PHF2: variants seen among roughly 807,000 people sequenced by gnomAD.
The protein encoded by PHF2 is PHD finger protein 2.
A neutral mutation model predicts 120.5 loss-of-function variants in PHF2; 27 were observed. That is an observed-to-expected ratio of 0.22 (90% CI 0.17 to 0.31). The LOEUF is 0.31. PHF2 is among the 10% of genes least tolerant of loss of function. The probability of loss-of-function intolerance (pLI) is 1.00; values close to 1 mark genes in which losing one functional copy is unlikely to be tolerated. For synonymous variants in PHF2, 568 were observed against 592.5 expected, an observed-to-expected ratio of 0.96 and a Z score of 0.60; for missense variants, 1,024 against 1,434.8, an observed-to-expected ratio of 0.71 and a Z score of 4.63.
intron 20 of PHF2, among the ~76,000 whole-genome samples, chr9:93,676,311 A>C (rs1244030300): frequency 6.6e-6 from 1 of 152,196 alleles, no homozygotes. Flanking sequence ...GAACTGGGAG[A>C]TGTATATGGC....
chr9:93,676,097 C>G (rs1213763992), intron 20 of PHF2, among the ~76,000 whole-genome samples: 3 of 152,164 alleles, frequency 2.0e-5, no homozygotes, highest in East Asian at 1.9e-4. Flanking sequence ...TCCCCTCCCC[C>G]CATCATGTGG....
At chr9:93,667,628 C>T (rs1391233783) in intron 17 of PHF2, among the ~76,000 whole-genome samples, 1 of 152,118 alleles carries the variant, frequency 6.6e-6, no homozygotes, top group Middle Eastern at 3.2e-3. Flanking sequence ...CTGCAGCTGC[C>T]ATGGGGAGCA....
At chr9:93,579,331 A>T (rs144788739) in intron 1 of PHF2, among the ~76,000 whole-genome samples, 1 of 152,060 alleles carries the variant, frequency 6.6e-6, no homozygotes, top group Non-Finnish European at 1.5e-5. Flanking sequence ...TTTTATTTTG[A>T]GGGGACTTTA....
At chr9:93,604,182 T>C (rs1825495321) in intron 1 of PHF2, among the ~76,000 whole-genome samples, 2 of 152,130 alleles carry the variant, frequency 1.3e-5, no homozygotes, top group Non-Finnish European at 2.9e-5. Context: ...GGAAGAGGCC[T>C]GCAGGGCTGA....
intron 2 of PHF2, among the ~76,000 whole-genome samples, chr9:93,630,507 C>CA (rs781121363): frequency 6.6e-6 from 1 of 152,208 alleles, no homozygotes; most frequent in Non-Finnish European, 1.5e-5. Flanking sequence ...CCTCCTTTTC[C>CA]AGCCCCGCCT....
rs1458056012 is a variant in PHF2 at position 93,676,454 on chromosome 9, G to T, written c.2833-140G>T. On this transcript the variant is annotated intron_variant, in intron 20 of 21. Coordinates refer to ENST00000359246, the MANE Select transcript of PHF2 (RefSeq NM_005392.4). Reference sequence around the variant, plus strand: ...CCGTGTGCATGCTGTGCCCCTGGCGGCCCAGAGTCAGGCCTCAGGCCCCTG... The same window carrying T: ...CCGTGTGCATGCTGTGCCCCTGGCGTCCCAGAGTCAGGCCTCAGGCCCCTG... The T allele has an allele frequency of 8.2e-6, 8 of 972,058 alleles. No homozygotes were observed. In the East Asian group the frequency reaches 2.0e-4, roughly 25 times the overall value. 60.2% of individuals were successfully genotyped at this position (972,058 alleles called of 1,614,324 possible). A position where few individuals can be genotyped will look rare whatever the true frequency, so the allele number is the denominator to read the frequency against.
At position 93,658,375 on chromosome 9, in the gene PHF2, G is replaced by C. The variant is rs955743639; in HGVS notation, c.1239+139G>C. On this transcript the variant is annotated intron_variant, in intron 10 of 21. Transcript: ENST00000359246. The stretch of plus-strand genomic sequence containing the variant: ...CTGGGAAGGACGGTGGTGCTCCCCT[G>C]CCTGGCTTGGCCCGGGGTGTGCCTT... 5.6e-6 allele frequency: 4 copies of C among 713,182 alleles called. No individual in the cohort carries two copies. In the Admixed American group the frequency reaches 6.4e-5, roughly 11 times the overall value. 44.2% of individuals were successfully genotyped at this position (713,182 alleles called of 1,614,324 possible). A position where few individuals can be genotyped will look rare whatever the true frequency, so the allele number is the denominator to read the frequency against.
At chr9:93,667,326 A>C in intron 17 of PHF2, 86 bp downstream of exon 17, 1 of 1,485,610 alleles carries the variant, frequency 6.7e-7, no homozygotes, top group Non-Finnish European at 9.1e-7. Flanking sequence ...GGAGCCTGCG[A>C]GGCAGACGCA....
At position 93,591,949 on chromosome 9, in the gene PHF2, C is replaced by T. The variant is rs146542386; in HGVS notation, c.98+15078C>T. Among the ~76,000 whole-genome samples the T allele has an allele frequency of 6.1e-3, 929 of 152,344 alleles. 5 individuals carry two copies. Among genetic ancestry groups the T allele is most frequent in the Non-Finnish European group, 0.01 (699 of 68,032 alleles). On this transcript the variant is annotated intron_variant, in intron 1 of 21. Transcript: ENST00000359246. Reference sequence around the variant, plus strand: ...TCTGGGCTGTGAATACATACCTGCCCGAGGGCATTGCTGGGAGAGCCAGCT... The same window carrying T: ...TCTGGGCTGTGAATACATACCTGCCTGAGGGCATTGCTGGGAGAGCCAGCT...
At position 93,660,276 on chromosome 9, in the gene PHF2, C is replaced by G; in HGVS notation, c.1414C>G (p.Pro472Ala). 1.9e-6 allele frequency: 3 copies of G among 1,610,160 alleles called. No homozygotes were observed. The highest frequency in any genetic ancestry group is 2.5e-6 in the Non-Finnish European group (3 of 1,178,716). Residue 472 changes from proline (P) to alanine (A), a missense_variant, in exon 12 of 22, where the codon CCC becomes GCC. This residue lies in a region of PHF2 where 677 missense variants were observed against 857.4 expected (regional missense o/e 0.79). Coordinates refer to ENST00000359246, the MANE Select transcript of PHF2 (RefSeq NM_005392.4). ...TGACGGGGACCGGGAGAAGGAGGAG[C>G]CCCCGTCTCCCATTGAGGCCACCCC... is the stretch of plus-strand genomic sequence containing the variant. ...VCDGDREKEE[P>A]PSPIEATPPQ...
chr9:93,654,734 GA>G (rs562301773), intron 7 of PHF2, among the ~76,000 whole-genome samples, 159 bp downstream of exon 7: 1 of 152,214 alleles, frequency 6.6e-6, no homozygotes, highest in African/African-American at 2.4e-5. Flanking sequence ...AAAGGAGGTT[GA>G]AACTGGGCAG....
Position 93,656,164 on chromosome 9 carries a change from C to CTCTTTG in PHF2, c.1040+145_1040+150dup. The CTCTTTG allele has an allele frequency of 1.5e-6, 1 of 674,986 alleles. No homozygotes were observed. Among genetic ancestry groups the CTCTTTG allele is most frequent in the Non-Finnish European group, 2.6e-6 (1 of 387,660 alleles). 41.8% of individuals were successfully genotyped at this position (674,986 alleles called of 1,614,324 possible). ...GACATGACCGTCAGCCTCGGTGGGC[C>CTCTTTG]TCTTTGTGATGTGGAGGGAAGGAGG... is the stretch of plus-strand genomic sequence containing the variant. On this transcript the variant is annotated intron_variant, in intron 8 of 21. Coordinates refer to ENST00000359246, the MANE Select transcript of PHF2 (RefSeq NM_005392.4). This position sits in a 1 kb window ranked among gnomAD's most constrained non-coding sequence, Gnocchi z 4.1.
chr9:93,658,085 G>A, intron 9 of PHF2, 60 bp from the exon 10 acceptor site: 1 of 1,201,338 alleles, frequency 8.3e-7, no homozygotes, highest in Non-Finnish European at 1.2e-6. Context: ...ATGTGGCTGG[G>A]CATGAAGGCA....
In PHF2 at chr9:93,671,277, C is replaced by A. The variant is rs971345424; in HGVS notation, c.2349-2308C>A. ...ATGCAGGTGCGGGTGTGGGAGTAGG[C>A]ACAGGTGCAGATGCAGATGTGGGTG... On this transcript the variant is annotated intron_variant, in intron 17 of 21. Transcript: ENST00000359246. 5.0e-6 allele frequency: 4 copies of A among 799,134 alleles called. No individual in the cohort carries two copies. In the Admixed American group the frequency reaches 3.4e-4, roughly 68 times the overall value. The allele number at this position is 799,134 out of a possible 1,614,324, so 49.5% of individuals were successfully genotyped here.
At position 93,588,070 on chromosome 9, in the gene PHF2, C is replaced by G. The variant is rs532702599; in HGVS notation, c.98+11199C>G. On this transcript the variant is annotated intron_variant, in intron 1 of 21. Coordinates refer to ENST00000359246, the MANE Select transcript of PHF2 (RefSeq NM_005392.4). ...CATGACAGTGAGCTGGGTGCCTGGACTGTCGTGTGTCTGTGGGTCTGGGCG... is the reference window on the plus strand; with the variant it reads ...CATGACAGTGAGCTGGGTGCCTGGAGTGTCGTGTGTCTGTGGGTCTGGGCG... Among the ~76,000 whole-genome samples, 18 of 152,298 alleles carry G rather than the reference C, an allele frequency of 1.2e-4. No individual in the cohort carries two copies. In the South Asian group the frequency reaches 3.1e-3, roughly 26 times the overall value.
At chr9:93,588,688 G>A (rs1346998291) in intron 1 of PHF2, among the ~76,000 whole-genome samples, 1 of 152,116 alleles carries the variant, frequency 6.6e-6, no homozygotes, top group Admixed American at 6.5e-5. Context: ...TCAGGAGTTC[G>A]AGACCAGCCT....
chr9:93,587,166 C>T (rs1158479770), intron 1 of PHF2, among the ~76,000 whole-genome samples: 1 of 152,052 alleles, frequency 6.6e-6, no homozygotes, highest in Non-Finnish European at 1.5e-5. Flanking sequence ...GCTGGCAGAG[C>T]CTTGGGTGAG....
chr9:93,584,071 T>G (rs6479496), intron 1 of PHF2, among the ~76,000 whole-genome samples: 70,042 of 152,006 alleles, frequency 0.46, 16,522 homozygotes, highest in African/African-American at 0.49. Context: ...CAGGTGATCT[T>G]CCTGCCTTGG....
At chr9:93,674,543 T>G (rs774688413) in intron 18 of PHF2, among the ~76,000 whole-genome samples, 2 of 152,074 alleles carry the variant, frequency 1.3e-5, no homozygotes, top group Non-Finnish European at 2.9e-5. Flanking sequence ...GGTTCCCCAC[T>G]CTCTGCTGTA....
Sources: allele counts gnomAD v4.1 joint callset (sites outside exome capture counted in the v4.1 genomes callset), GRCh38; gene constraint gnomAD v4.1.1; regional missense constraint gnomAD v4.1.1; non-coding constraint Gnocchi (gnomAD v3.1); transcripts MANE v1.5; gene names NCBI Gene and HGNC (gene_info 2026-07-23, HGNC 2026-07-21).